The following NBAS variants were observed in gnomAD, a reference collection of about 807,000 sequenced individuals.
The protein encoded by NBAS is NBAS subunit of NRZ tethering complex.
NBAS carries 219 observed loss-of-function variants against 302.5 expected under a neutral mutation model. The observed-to-expected ratio is 0.72, with a 90% CI of 0.65 to 0.81. The LOEUF (loss-of-function observed/expected upper bound fraction) is 0.81. NBAS is among the 30% of genes least tolerant of loss of function. The probability of loss-of-function intolerance (pLI) is 0.00; values close to 1 mark genes in which losing one functional copy is unlikely to be tolerated. For synonymous variants in NBAS, 1,118 were observed against 1,021.6 expected, an observed-to-expected ratio of 1.09 and a Z score of -1.80; for missense variants, 2,932 against 2,841.6, an observed-to-expected ratio of 1.03 and a Z score of -0.72.
chr2:15,418,756 A>G (rs1011048149), intron 23 of NBAS, among the ~76,000 whole-genome samples: 6 of 152,206 alleles, frequency 3.9e-5, no homozygotes, highest in Non-Finnish European at 8.8e-5. Flanking sequence ...GTGAGTTGTG[A>G]AAGTACAATT....
the NBAS span, among the ~76,000 whole-genome samples, chr2:14,904,120 G>A: frequency 5.9e-5 from 9 of 152,210 alleles, no homozygotes; most frequent in African/African-American, 2.2e-4. Flanking sequence ...AGCTCTAAGA[G>A]GGCAAGGGAT....
chr2:15,366,109 A>T (rs148456717), intron 32 of NBAS, among the ~76,000 whole-genome samples: 30 of 152,348 alleles, frequency 2.0e-4, no homozygotes, highest in African/African-American at 6.7e-4. Flanking sequence ...ACCCCACCAA[A>T]TAGTAAATGC....
chr2:14,921,318 G>T, the NBAS span, among the ~76,000 whole-genome samples: 1 of 152,212 alleles, frequency 6.6e-6, no homozygotes, highest in Non-Finnish European at 1.5e-5. Flanking sequence ...TAACATCAAA[G>T]ATGACTGATC....
intron 37 of NBAS, 66 bp downstream of exon 37, chr2:15,328,133 T>G (rs932641662): frequency 6.7e-7 from 1 of 1,485,672 alleles, no homozygotes; most frequent in Admixed American, 1.8e-5. Flanking sequence ...AAAATTTTAG[T>G]TTTTGTTTCT....
chr2:15,416,509 C>A (rs536500005), intron 24 of NBAS, among the ~76,000 whole-genome samples: 1 of 152,076 alleles, frequency 6.6e-6, no homozygotes, highest in African/African-American at 2.4e-5. Context: ...GAGGGAGAGA[C>A]AAAAGGAAGA....
At chr2:15,087,522 C>T in the NBAS span, among the ~76,000 whole-genome samples, 52 of 152,262 alleles carry the variant, frequency 3.4e-4, no homozygotes, top group African/African-American at 1.2e-3. Context: ...AAGTGGCCAG[C>T]CTAGCCCTTT....
At chr2:15,136,116 A>G in the NBAS span, among the ~76,000 whole-genome samples, 1 of 152,212 alleles carries the variant, frequency 6.6e-6, no homozygotes. Context: ...AGAGCCAGAC[A>G]GTCCAAAAGC....
chr2:15,187,812 C>A lies in NBAS; in HGVS notation c.6573-932G>T, dbSNP rs180829552. Among the ~76,000 whole-genome samples the A allele has an allele frequency of 4.3e-4, 66 of 152,282 alleles. 1 individual carries two copies. The highest frequency in any genetic ancestry group is 3.9e-3 in the Admixed American group (59 of 15,290). Reference sequence around the variant, plus strand: ...GTCTTGCCCTTGAAAGAATTTTATTCCTTGGGCCCTGAAAAGAATTTCAAG... The same window carrying A: ...GTCTTGCCCTTGAAAGAATTTTATTACTTGGGCCCTGAAAAGAATTTCAAG... On this transcript the variant is annotated intron_variant, in intron 49 of 51. Coordinates refer to ENST00000281513, the MANE Select transcript of NBAS (RefSeq NM_015909.4).
chr2:15,470,698 G>C (rs1679920218), intron 16 of NBAS, among the ~76,000 whole-genome samples: 1 of 152,070 alleles, frequency 6.6e-6, no homozygotes, highest in Admixed American at 6.5e-5. Flanking sequence ...ATCTCTACCA[G>C]ATCTATAATA....
chr2:15,251,361 A>T (rs1668357332), intron 44 of NBAS, among the ~76,000 whole-genome samples: 1 of 152,166 alleles, frequency 6.6e-6, no homozygotes, highest in South Asian at 2.1e-4. Context: ...AATGTAGATG[A>T]TGGGTTGATG....
intron 31 of NBAS, among the ~76,000 whole-genome samples, chr2:15,367,747 G>A (rs893471158): frequency 6.6e-6 from 1 of 152,206 alleles, no homozygotes; most frequent in Non-Finnish European, 1.5e-5. Flanking sequence ...GGGAGATAAA[G>A]AAGAGAGGTG....
chr2:15,228,245 A>G (rs1303637217), intron 47 of NBAS, among the ~76,000 whole-genome samples: 2 of 152,230 alleles, frequency 1.3e-5, no homozygotes, highest in African/African-American at 4.8e-5. Context: ...CCCAATAAAT[A>G]TATGAAAAAA....
At chr2:15,167,427 C>T in intron 51 of NBAS, 104 bp from the exon 52 acceptor site, 1 of 1,445,822 alleles carries the variant, frequency 6.9e-7, no homozygotes, top group Non-Finnish European at 9.5e-7. Flanking sequence ...TCATTCATGC[C>T]CTGGCCTGGG....
chr2:15,261,566 C>CTTGT (rs1426377565), intron 44 of NBAS, among the ~76,000 whole-genome samples: 2 of 152,142 alleles, frequency 1.3e-5, no homozygotes, highest in Non-Finnish European at 2.9e-5. Flanking sequence ...AACCCTTTGC[C>CTTGT]TTGTACAATA....
rs374022548 is a variant in NBAS at position 15,287,209 on chromosome 2, G to C, written c.5028-26C>G. 3 of 1,576,650 alleles carry C rather than the reference G, an allele frequency of 1.9e-6. No individual in the cohort carries two copies. In the South Asian group the frequency reaches 3.3e-5, roughly 17 times the overall value. On this transcript the variant is annotated intron_variant, in intron 41 of 51. Coordinates refer to ENST00000281513, the MANE Select transcript of NBAS (RefSeq NM_015909.4). ...CTGCAGAAATGTCCATCAAGCCCAG[G>C]AAGGGAGAGAGGAGAAACACATGAC... is the stretch of plus-strand genomic sequence containing the variant.
chr2:15,199,185 G>A (rs13009662), intron 48 of NBAS, among the ~76,000 whole-genome samples: 10,097 of 149,802 alleles, frequency 0.067, 385 homozygotes, highest in East Asian at 0.14. Flanking sequence ...AAACAACTAC[G>A]TCATAAATCT....
At chr2:15,046,894 C>T in the NBAS span, among the ~76,000 whole-genome samples, 1 of 152,138 alleles carries the variant, frequency 6.6e-6, no homozygotes, top group Non-Finnish European at 1.5e-5. Context: ...GGCAGAGGCA[C>T]AGAATCACAG....
the NBAS span, among the ~76,000 whole-genome samples, chr2:15,158,610 CCTT>C: frequency 1.3e-5 from 2 of 152,230 alleles, no homozygotes; most frequent in Non-Finnish European, 2.9e-5. Context: ...CTCTCCGGCT[CCTT>C]CTGGTAGAAG....
intron 23 of NBAS, among the ~76,000 whole-genome samples, chr2:15,422,592 T>A (rs1036652462): frequency 6.6e-6 from 1 of 152,080 alleles, no homozygotes; most frequent in Non-Finnish European, 1.5e-5. Flanking sequence ...ATTGTGGCAT[T>A]TTTTTCTGTC....
Sources: gnomAD v4.1 joint callset for allele counts (sites outside exome capture counted in the v4.1 genomes callset) on GRCh38, gnomAD v4.1.1 for gene constraint, MANE v1.5 for transcripts, NCBI Gene and HGNC (gene_info 2026-07-23, HGNC 2026-07-21) for gene names.